The following DMD variants were observed in gnomAD, a reference collection of about 807,000 sequenced individuals.
The protein encoded by DMD is dystrophin.
DMD carries 63 observed loss-of-function variants against 330.1 expected under a neutral mutation model. That is an observed-to-expected ratio of 0.19 (90% CI 0.16 to 0.24). The LOEUF (loss-of-function observed/expected upper bound fraction) is 0.24, where lower values mean the gene tolerates loss of function less well. Among genes scored for constraint, DMD ranks in the 10% least tolerant of loss-of-function variants. The pLI, the probability that DMD is intolerant of heterozygous loss-of-function variation, is 1.00. For missense variants in DMD, 3,344 were observed against 2,684.1 expected (o/e 1.25, Z -5.43); for synonymous variants, 1,223 against 959.8 (o/e 1.27, Z -5.07).
intron 63 of DMD, among the ~76,000 whole-genome samples, chrX:31,256,195 T>TG (rs746860651): frequency 1.8e-5 from 2 of 112,092 alleles, no homozygotes; most frequent in East Asian, 5.6e-4. Flanking sequence ...CTATGACTAT[T>TG]GGGGGTAGTC....
intron 62 of DMD, among the ~76,000 whole-genome samples, chrX:31,318,014 G>A (rs1199571323): frequency 1.8e-5 from 2 of 112,202 alleles, no homozygotes; most frequent in Non-Finnish European, 3.8e-5. Flanking sequence ...TATTATGAAG[G>A]AAGAAATCAA....
chrX:33,095,882 A>G (rs887689184), intron 1 of DMD, among the ~76,000 whole-genome samples: 2 of 111,016 alleles, frequency 1.8e-5, no homozygotes, highest in South Asian at 7.5e-4. Flanking sequence ...TAGAAATCTA[A>G]TATAAACCTG....
chrX:32,264,956 T>C (rs1468801301), intron 43 of DMD, among the ~76,000 whole-genome samples: 2 of 112,206 alleles, frequency 1.8e-5, no homozygotes, highest in Non-Finnish European at 3.8e-5. Context: ...TTCAGAAAAT[T>C]TGCAGCCTGA....
At chrX:32,632,055 G>A (rs943793376) in intron 11 of DMD, among the ~76,000 whole-genome samples, 30 of 111,800 alleles carry the variant, frequency 2.7e-4, no homozygotes, top group African/African-American at 8.1e-4. Flanking sequence ...CTATGAGCCC[G>A]TAAAATCAAA....
chrX:32,402,109 G>T (rs973208843), intron 30 of DMD, among the ~76,000 whole-genome samples: 12 of 111,331 alleles, frequency 1.1e-4, no homozygotes, highest in Non-Finnish European at 2.1e-4. Context: ...TAAACAATGG[G>T]AACATTATGA....
chrX:32,365,839 G>A (rs1175065766), intron 34 of DMD, among the ~76,000 whole-genome samples: 1 of 111,540 alleles, frequency 9.0e-6, no homozygotes, highest in Non-Finnish European at 1.9e-5. Context: ...TAGTGATGAC[G>A]AGCATAACTG....
At chrX:31,665,233 T>C (rs1165625444) in intron 53 of DMD, among the ~76,000 whole-genome samples, 2 of 111,806 alleles carry the variant, frequency 1.8e-5, no homozygotes, top group East Asian at 5.6e-4. Context: ...TATAAAACAA[T>C]CTTGATGATT....
At position 32,480,809 on chromosome X, in the gene DMD, G is replaced by A. The variant is rs749801494; in HGVS notation, c.2803+4110C>T. Reference sequence around the variant, plus strand: ...ATAGCTTGCTTAAATAAACATGTCTGCTATGCTTGCTCTTGATGGTATTGA... The same window carrying A: ...ATAGCTTGCTTAAATAAACATGTCTACTATGCTTGCTCTTGATGGTATTGA... On this transcript the variant is annotated intron_variant, in intron 21 of 78. Transcript: ENST00000357033. 2.7e-5 allele frequency among the ~76,000 whole-genome samples: 3 copies of A among 110,371 alleles called. No homozygotes were observed. The East Asian group carries it at 8.6e-4, about 32-fold the overall frequency.
At chrX:32,910,579 T>G (rs1436225919) in intron 2 of DMD, among the ~76,000 whole-genome samples, 1 of 110,280 alleles carries the variant, frequency 9.1e-6, no homozygotes, top group Non-Finnish European at 1.9e-5. Flanking sequence ...GGATTCCAGG[T>G]GCCCGCCGCC....
At chrX:32,483,169 C>CTATATATAT (rs1355171852) in intron 21 of DMD, among the ~76,000 whole-genome samples, 27 of 34,797 alleles carry the variant, frequency 7.8e-4, no homozygotes, top group East Asian at 1.3e-3. Context: ...ATATATACAC[C>CTATATATAT]ATATTTAATT....
chrX:32,752,806 A>T (rs1429996459), intron 7 of DMD, among the ~76,000 whole-genome samples: 1 of 109,492 alleles, frequency 9.1e-6, no homozygotes, highest in African/African-American at 3.3e-5. Flanking sequence ...TGGTAGTGAA[A>T]GTCTCACGAG....
intron 16 of DMD, among the ~76,000 whole-genome samples, chrX:32,551,945 G>C (rs1197633178): frequency 1.2e-4 from 13 of 111,844 alleles, no homozygotes; most frequent in African/African-American, 3.9e-4. Context: ...GCTAAACTGA[G>C]AATTACAAAA....
chrX:31,976,765 G>A (rs1038710891), intron 44 of DMD, among the ~76,000 whole-genome samples: 2 of 111,764 alleles, frequency 1.8e-5, no homozygotes, highest in Non-Finnish European at 3.8e-5. Flanking sequence ...AATTAAGCTT[G>A]TTCCTTAATA....
At chrX:32,620,662 A>G in intron 11 of DMD, among the ~76,000 whole-genome samples, 1 of 111,222 alleles carries the variant, frequency 9.0e-6, no homozygotes, top group South Asian at 3.7e-4. Flanking sequence ...TTTTGGACAG[A>G]CATTTCCTTC....
chrX:32,509,497 C>A (rs192993270), intron 18 of DMD, among the ~76,000 whole-genome samples: 234 of 111,798 alleles, frequency 2.1e-3, no homozygotes, highest in African/African-American at 7.5e-3. Context: ...AGGCCTTCCA[C>A]AGGTCTATCT....
intron 56 of DMD, among the ~76,000 whole-genome samples, chrX:31,503,864 G>A (rs2070674305): frequency 9.1e-6 from 1 of 110,415 alleles, no homozygotes; most frequent in Non-Finnish European, 1.9e-5. Context: ...AGGAACTGGA[G>A]GCAGAAAAAG....
chrX:33,037,369 A>G (rs748383880), intron 1 of DMD, among the ~76,000 whole-genome samples: 2 of 110,965 alleles, frequency 1.8e-5, no homozygotes, highest in East Asian at 5.7e-4. Context: ...ATACAGGAAA[A>G]AAAAAAAACC....
At chrX:32,188,629 C>T (rs1025320802) in intron 44 of DMD, among the ~76,000 whole-genome samples, 1 of 108,479 alleles carries the variant, frequency 9.2e-6, no homozygotes, top group Non-Finnish European at 1.9e-5. Context: ...CTTATGCCAG[C>T]ACACTGTGGT....
At chrX:32,654,776 G>A (rs1466180844) in intron 9 of DMD, among the ~76,000 whole-genome samples, 1 of 110,919 alleles carries the variant, frequency 9.0e-6, no homozygotes, top group African/African-American at 3.3e-5. Flanking sequence ...GAATCCATCT[G>A]GTCCTGGACT....
Sources: allele counts gnomAD v4.1 joint callset (sites outside exome capture counted in the v4.1 genomes callset), GRCh38; gene constraint gnomAD v4.1.1; transcripts MANE v1.5; gene names NCBI Gene and HGNC (gene_info 2026-07-23, HGNC 2026-07-21).